Variants in KLF3 observed in about 807,000 individuals in gnomAD.
KLF3 encodes the protein Krueppel-like factor 3.
Under a neutral mutation model 32.7 loss-of-function variants are expected in KLF3, and 6 were observed. That is an observed-to-expected ratio of 0.18 (90% confidence interval 0.10 to 0.36). KLF3 has a LOEUF of 0.36. Ranked by LOEUF, KLF3 falls within the 10% of genes least tolerant of loss-of-function variation. The pLI, the probability that KLF3 is intolerant of heterozygous loss-of-function variation, is 1.00. For synonymous variants in KLF3, 145 were observed against 172.8 expected (o/e 0.84, Z 1.26); for missense variants, 338 against 449.7 (o/e 0.75, Z 2.25).
chr4:38,670,379 A>G (rs913775850), intron 1 of KLF3, among the ~76,000 whole-genome samples: 4 of 152,188 alleles, frequency 2.6e-5, no homozygotes, highest in African/African-American at 9.7e-5. Context: ...GTCTCAACCC[A>G]AATCAGTGGA....
At chr4:38,678,386 AATC>A (rs1722414493) in intron 1 of KLF3, among the ~76,000 whole-genome samples, 1 of 152,144 alleles carries the variant, frequency 6.6e-6, no homozygotes, top group South Asian at 2.1e-4. Context: ...CTCATTACGA[AATC>A]ATCTATTTTT....
chr4:38,681,863 C>A (rs1722536317), intron 2 of KLF3, among the ~76,000 whole-genome samples: 1 of 152,154 alleles, frequency 6.6e-6, no homozygotes, highest in African/African-American at 2.4e-5. Flanking sequence ...TTATACAAGA[C>A]ACGGGGGTCA....
At chr4:38,681,139 G>A (rs1722513053) in intron 2 of KLF3, among the ~76,000 whole-genome samples, 1 of 152,056 alleles carries the variant, frequency 6.6e-6, no homozygotes, top group Non-Finnish European at 1.5e-5. Flanking sequence ...GTATGAGTGA[G>A]CTAAATACTG....
rs904138880 is a variant in KLF3, at chr4:38,700,571, A to C, written c.*3308A>C. On this transcript the variant is annotated 3_prime_UTR_variant, in exon 6 of 6. Coordinates refer to ENST00000261438, the MANE Select transcript of KLF3 (RefSeq NM_016531.6). ...CATTTACAAAGCCATCTTTACATGC[A>C]TTAAACGAGGGCTACAACAATATTG... The C allele has an allele frequency of 6.6e-6, 1 of 152,268 alleles. No individual in the cohort carries two copies. The highest frequency in any genetic ancestry group is 1.5e-5 in the Non-Finnish European group (1 of 68,046). The allele number at this position is 152,268 out of a possible 1,614,324, so 9.4% of individuals were successfully genotyped here.
At chr4:38,690,460 G>A (rs915869160) in intron 4 of KLF3, 6 of 152,270 alleles carry the variant, frequency 3.9e-5, no homozygotes, top group Admixed American at 1.3e-4. Flanking sequence ...ACCTCCACCA[G>A]TGATTACACT....
At chr4:38,686,675 G>A (rs1309536006) in intron 2 of KLF3, among the ~76,000 whole-genome samples, 5 of 152,142 alleles carry the variant, frequency 3.3e-5, no homozygotes, top group Non-Finnish European at 7.3e-5. Flanking sequence ...TAGAGCCCGT[G>A]ACAGTGAGCA....
intron 1 of KLF3, among the ~76,000 whole-genome samples, chr4:38,678,331 G>C (rs924954850): frequency 6.6e-6 from 1 of 152,116 alleles, no homozygotes; most frequent in Non-Finnish European, 1.5e-5. Context: ...GCTAGTCTGG[G>C]AACTGCTTAA....
chr4:38,682,385 T>C (rs1409055384), intron 2 of KLF3, among the ~76,000 whole-genome samples: 1 of 152,258 alleles, frequency 6.6e-6, no homozygotes, highest in African/African-American at 2.4e-5. Flanking sequence ...TCGAATGTTA[T>C]TCAGTGCTGT....
intron 1 of KLF3, among the ~76,000 whole-genome samples, chr4:38,672,909 A>G (rs2109239471): frequency 6.6e-6 from 1 of 151,418 alleles, no homozygotes; most frequent in South Asian, 2.1e-4. Flanking sequence ...GATGGCCTCT[A>G]GGTTTCCATG....
At chr4:38,678,324 A>G (rs1722412485) in intron 1 of KLF3, among the ~76,000 whole-genome samples, 1 of 152,202 alleles carries the variant, frequency 6.6e-6, no homozygotes, top group African/African-American at 2.4e-5. Flanking sequence ...TACAGCTGCT[A>G]GTCTGGGAAC....
chr4:38,697,354 A>G lies in KLF3; in HGVS notation c.*91A>G, dbSNP rs973620013. On this transcript the variant is annotated 3_prime_UTR_variant, in exon 6 of 6. Transcript: ENST00000261438. ...ATTATCTAACACATTTTTTACATGT[A>G]CATTTTAATTTGATTCAGCTGGTCT... is the stretch of plus-strand genomic sequence containing the variant. 8.3e-7 allele frequency: 1 copy of G among 1,203,742 alleles called. No homozygotes were observed. The highest frequency in any genetic ancestry group is 2.5e-5 in the Admixed American group (1 of 39,962). 74.6% of individuals were successfully genotyped at this position (1,203,742 alleles called of 1,614,324 possible). A position where few individuals can be genotyped will look rare whatever the true frequency, so the allele number is the denominator to read the frequency against.
At chr4:38,676,469 T>A (rs1722353043) in intron 1 of KLF3, among the ~76,000 whole-genome samples, 1 of 152,078 alleles carries the variant, frequency 6.6e-6, no homozygotes, top group African/African-American at 2.4e-5. Context: ...AATAATAAAC[T>A]TTAAAAATAG....
chr4:38,673,734 T>G (rs1722264995), intron 1 of KLF3, among the ~76,000 whole-genome samples: 1 of 152,104 alleles, frequency 6.6e-6, no homozygotes, highest in African/African-American at 2.4e-5. Flanking sequence ...AGGCTTCTGC[T>G]TGGTTGTTAC....
chr4:38,668,361 A>G (rs1722102869), intron 1 of KLF3, among the ~76,000 whole-genome samples: 1 of 152,048 alleles, frequency 6.6e-6, no homozygotes, highest in African/African-American at 2.4e-5. Flanking sequence ...GGAATCATCT[A>G]CAGCATCTCT....
chr4:38,687,959 C>A (rs1722751162), intron 2 of KLF3, among the ~76,000 whole-genome samples: 1 of 152,132 alleles, frequency 6.6e-6, no homozygotes, highest in South Asian at 2.1e-4. Context: ...GGATTGTTGG[C>A]CAGTCCTAGG....
chr4:38,698,183 T>A lies in KLF3; in HGVS notation c.*920T>A, dbSNP rs963149725. ...CTCCATTCCTACAATGTCCTTAATA[T>A]GAGATCATCAAACATTGATAGTAGG... On this transcript the variant is annotated 3_prime_UTR_variant, in exon 6 of 6. Coordinates refer to ENST00000261438, the MANE Select transcript of KLF3 (RefSeq NM_016531.6). 1 of 152,248 alleles carries A rather than the reference T, an allele frequency of 6.6e-6. No individual in the cohort carries two copies. The highest frequency in any genetic ancestry group is 1.5e-5 in the Non-Finnish European group (1 of 68,040). The allele number at this position is 152,248 out of a possible 1,614,324, so 9.4% of individuals were successfully genotyped here.
chr4:38,694,060 A>G (rs1009247253), intron 4 of KLF3, among the ~76,000 whole-genome samples: 1 of 152,238 alleles, frequency 6.6e-6, no homozygotes, highest in African/African-American at 2.4e-5. Context: ...ATTCTCCCTC[A>G]TACAGGAATC....
rs930207675 is a variant in KLF3, at chr4:38,671,783, T to C, written c.-40+7322T>C. 6.6e-6 allele frequency among the ~76,000 whole-genome samples: 1 copy of C among 152,136 alleles called. No homozygotes were observed. The highest frequency in any genetic ancestry group is 2.4e-5 in the African/African-American group (1 of 41,410). On this transcript the variant is annotated intron_variant, in intron 1 of 5. Coordinates refer to ENST00000261438, the MANE Select transcript of KLF3 (RefSeq NM_016531.6). The surrounding 1 kb of genome is among the most constrained non-coding windows in gnomAD (Gnocchi z 4.4). ...ATTGACATTAAACAGCGCCTGGGGA[T>C]TGCCAATCACGAAGGTGGTGGTGAT...
At chr4:38,669,540 C>T (rs907670940) in intron 1 of KLF3, among the ~76,000 whole-genome samples, 29 of 152,032 alleles carry the variant, frequency 1.9e-4, no homozygotes, top group Admixed American at 1.6e-3. Flanking sequence ...ATAGAAGAGG[C>T]ACAATGCTGT....
Sources: gnomAD v4.1 joint callset for allele counts (sites outside exome capture counted in the v4.1 genomes callset) on GRCh38, gnomAD v4.1.1 for gene constraint, Gnocchi (gnomAD v3.1) non-coding constraint, MANE v1.5 for transcripts, NCBI Gene and HGNC (gene_info 2026-07-23, HGNC 2026-07-21) for gene names.